Variants in NPIPB7 observed in about 807,000 individuals in gnomAD.
NPIPB7 encodes nuclear pore complex interacting protein family member B7.
For missense variants in NPIPB7, 14 were observed against 238.5 expected, an observed-to-expected ratio of 0.06 and a Z score of 6.20; for synonymous variants, 9 against 88.1, an observed-to-expected ratio of 0.10 and a Z score of 5.03.
chr16:28,461,716 G>T (rs1185151480), intron 4 of NPIPB7, among the ~76,000 whole-genome samples: 1 of 150,332 alleles, frequency 6.7e-6, no homozygotes, highest in East Asian at 2.1e-4. Context: ...TTGGGAGGCC[G>T]AGGTGTGTGG....
upstream of NPIPB7, among the ~76,000 whole-genome samples, chr16:28,470,700 AC>A (rs1314473953): frequency 4.0e-5 from 6 of 150,202 alleles, no homozygotes; most frequent in Non-Finnish European, 9.0e-5. Context: ...GCTGTTGGGC[AC>A]CTGGAGGAGG....
intron 1 of NPIPB7, among the ~76,000 whole-genome samples, chr16:28,468,754 C>T: frequency 8.4e-6 from 1 of 119,392 alleles, no homozygotes; most frequent in Admixed American, 1.0e-4. Flanking sequence ...TTGCAGTGAG[C>T]CGAGATCGCA....
chr16:28,470,372 CA>C lies in NPIPB7; in HGVS notation c.66del (p.Val23LeufsTer17), dbSNP rs2045937413. The C allele has an allele frequency of 6.4e-7, 1 of 1,562,050 alleles. No homozygotes were observed. The highest frequency in any genetic ancestry group is 8.6e-7 in the Non-Finnish European group (1 of 1,160,650). On this transcript the variant is annotated frameshift_variant and splice_region_variant, in exon 1 of 7. Transcript: ENST00000452313. LOFTEE classifies it high-confidence loss of function. ...ACCCCGCGGGTCCAGCGTCTACTCA[CA>C]GGGGTGGGCTGATGGCTGATAAATC...
chr16:28,461,482 T>A (rs1472952709), intron 4 of NPIPB7, among the ~76,000 whole-genome samples: 5 of 142,526 alleles, frequency 3.5e-5, no homozygotes, highest in African/African-American at 5.3e-5. Flanking sequence ...CAATGTAATA[T>A]GACCAAAACA....
chr16:28,472,155 G>A (rs1395776877), upstream of NPIPB7, among the ~76,000 whole-genome samples: 1 of 152,230 alleles, frequency 6.6e-6, no homozygotes, highest in Non-Finnish European at 1.5e-5. Flanking sequence ...GCCCACGCCT[G>A]TAATCCCAGT....
At chr16:28,460,379 G>A in intron 4 of NPIPB7, among the ~76,000 whole-genome samples, 1 of 119,648 alleles carries the variant, frequency 8.4e-6, no homozygotes, top group Non-Finnish European at 1.8e-5. Flanking sequence ...TGGCTCCTAA[G>A]TCAGGGTGTT....
upstream of NPIPB7, among the ~76,000 whole-genome samples, chr16:28,471,836 A>G (rs1469415697): frequency 8.6e-5 from 13 of 151,554 alleles, no homozygotes; most frequent in African/African-American, 3.2e-4. Flanking sequence ...TGAGGGGGAG[A>G]AAACCAAGTT....
chr16:28,465,602 T>TA (rs1386525733), intron 2 of NPIPB7, among the ~76,000 whole-genome samples: 1 of 133,094 alleles, frequency 7.5e-6, no homozygotes, highest in Non-Finnish European at 1.6e-5. Context: ...TCATAACTCA[T>TA]ATATTTTCTG....
rs57853696 is a variant in NPIPB7 at position 28,463,389 on chromosome 16, TCACACACA to T, written c.250-316_250-309del. 3.0e-3 allele frequency among the ~76,000 whole-genome samples: 138 copies of T among 45,820 alleles called. 2 individuals carry two copies. Among genetic ancestry groups the T allele is most frequent in the African/African-American group, 6.1e-3 (76 of 12,528 alleles). 30.1% of individuals were successfully genotyped at this position (45,820 alleles called of 152,430 possible). A position where few individuals can be genotyped will look rare whatever the true frequency, so the allele number is the denominator to read the frequency against. On this transcript the variant is annotated intron_variant, in intron 2 of 6. Transcript: ENST00000452313. ...CTGAGCGACAGAATGAGACTCTGTC[TCACACACA>T]CACACACACACACACACACACACAC...
intron 4 of NPIPB7, among the ~76,000 whole-genome samples, chr16:28,461,947 C>CAAAAA (rs56100146): frequency 1.1e-4 from 10 of 90,448 alleles, no homozygotes; most frequent in Admixed American, 2.2e-4. Context: ...GACTCTGTCT[C>CAAAAA]AAAAAAAAAA....
At chr16:28,461,975 C>A (rs1435028158) in intron 4 of NPIPB7, among the ~76,000 whole-genome samples, 1 of 143,636 alleles carries the variant, frequency 7.0e-6, no homozygotes, top group Non-Finnish European at 1.5e-5. Context: ...AAAAAATTGG[C>A]CGAATGTGGT....
intron 2 of NPIPB7, among the ~76,000 whole-genome samples, chr16:28,463,777 C>T (rs1172450199): frequency 7.4e-6 from 1 of 134,364 alleles, no homozygotes; most frequent in Admixed American, 8.1e-5. Flanking sequence ...TAGCTCACGC[C>T]TGTAATCCCA....
At chr16:28,471,608 A>C (rs2141687588), upstream of NPIPB7, among the ~76,000 whole-genome samples, 1 of 113,876 alleles carries the variant, frequency 8.8e-6, no homozygotes, top group East Asian at 2.4e-4. Flanking sequence ...AGAATCCAAA[A>C]TGAAACAAGA....
intron 2 of NPIPB7, among the ~76,000 whole-genome samples, chr16:28,465,825 GA>G (rs577904203): frequency 1.0e-3 from 39 of 39,050 alleles, no homozygotes; most frequent in African/African-American, 2.9e-3. Context: ...TTACCCAAAG[GA>G]AAAAAGGCTC....
chr16:28,469,787 C>G (rs1197819007), intron 1 of NPIPB7: 5 of 360,840 alleles, frequency 1.4e-5, no homozygotes, highest in Non-Finnish European at 2.6e-5. Context: ...GAGATGGAGA[C>G]TATCCTGGCG....
At chr16:28,470,742 A>C (rs1340632114), upstream of NPIPB7, among the ~76,000 whole-genome samples, 2 of 150,836 alleles carry the variant, frequency 1.3e-5, no homozygotes, top group Non-Finnish European at 3.0e-5. Context: ...GGGGTCTGGG[A>C]AAGGATCCGG....
chr16:28,461,900 A>G (rs1219170974), intron 4 of NPIPB7, among the ~76,000 whole-genome samples: 15 of 141,474 alleles, frequency 1.1e-4, no homozygotes, highest in African/African-American at 3.8e-4. Context: ...GTGAGCCAAG[A>G]TCATGCCACT....
At chr16:28,470,710 G>T (rs2045944044), upstream of NPIPB7, among the ~76,000 whole-genome samples, 1 of 150,746 alleles carries the variant, frequency 6.6e-6, no homozygotes, top group South Asian at 2.1e-4. Context: ...ACCTGGAGGA[G>T]GTGGAGGAGG....
chr16:28,470,556 G>T (rs1333274424), upstream of NPIPB7: 1 of 135,078 alleles, frequency 7.4e-6, no homozygotes, highest in African/African-American at 1.2e-4. Context: ...CGGGGGAGGG[G>T]AGGGGGAGGG....
Sources: allele counts gnomAD v4.1 joint callset (sites outside exome capture counted in the v4.1 genomes callset), GRCh38; gene constraint gnomAD v4.1.1; transcripts MANE v1.5; gene names NCBI Gene and HGNC (gene_info 2026-07-23, HGNC 2026-07-21).